Variants in RHEB observed in about 807,000 individuals in gnomAD.
RHEB encodes GTP-binding protein Rheb.
RHEB carries 2 observed loss-of-function variants against 28.8 expected under a neutral mutation model. The observed-to-expected ratio is 0.07, with a 90% confidence interval of 0.03 to 0.22. The LOEUF (loss-of-function observed/expected upper bound fraction) is 0.22, where lower values mean the gene tolerates loss of function less well. Ranked by LOEUF, RHEB falls within the 10% of genes least tolerant of loss-of-function variation. RHEB has a pLI of 1.00. For missense variants in RHEB, 76 were observed against 219.9 expected, an observed-to-expected ratio of 0.35 and a Z score of 4.14; for synonymous variants, 69 against 77.3, an observed-to-expected ratio of 0.89 and a Z score of 0.56.
rs1315516028 is a variant in RHEB at position 151,468,513 on chromosome 7, G to A, written c.463-1302C>T. On this transcript the variant is annotated intron_variant, in intron 7 of 7. Transcript: ENST00000262187. This position sits in a 1 kb window ranked among gnomAD's most constrained non-coding sequence, Gnocchi z 4.3. Reference sequence around the variant, plus strand: ...GACACTTGGTGCTGCCTAGCCACCCGCCTGCATCCCTGGATCTGGGCACTC... The same window carrying A: ...GACACTTGGTGCTGCCTAGCCACCCACCTGCATCCCTGGATCTGGGCACTC... Among the ~76,000 whole-genome samples, 2 of 152,190 alleles carry A rather than the reference G, an allele frequency of 1.3e-5. No homozygotes were observed. Among genetic ancestry groups the A allele is most frequent in the African/African-American group, 2.4e-5 (1 of 41,460 alleles).
At chr7:151,484,051 C>T (rs767925054) in intron 3 of RHEB, among the ~76,000 whole-genome samples, 52 of 152,138 alleles carry the variant, frequency 3.4e-4, no homozygotes, top group Non-Finnish European at 6.2e-4. Flanking sequence ...AGTAATCACT[C>T]TCAAATCCAC....
chr7:151,509,384 T>C (rs1013480207), intron 1 of RHEB, among the ~76,000 whole-genome samples: 6 of 151,862 alleles, frequency 4.0e-5, no homozygotes, highest in Admixed American at 2.0e-4. Context: ...ATCTGGCAGG[T>C]GCATAAATAA....
chr7:151,473,785 A>G (rs371822664), intron 4 of RHEB, among the ~76,000 whole-genome samples: 1 of 152,220 alleles, frequency 6.6e-6, no homozygotes, highest in East Asian at 1.9e-4. Flanking sequence ...CATAGTCATA[A>G]TTTATGTTGC....
intron 1 of RHEB, chr7:151,503,461 T>G (rs1802809111): frequency 8.7e-7 from 1 of 1,150,502 alleles, no homozygotes; most frequent in African/African-American, 1.5e-5. Flanking sequence ...CCTTGATGAC[T>G]AGACATGAGT....
intron 4 of RHEB, among the ~76,000 whole-genome samples, chr7:151,474,152 G>T (rs771218530): frequency 4.6e-5 from 7 of 150,742 alleles, no homozygotes; most frequent in Non-Finnish European, 8.8e-5. Context: ...TCACCTTTCC[G>T]ATTTTTTTTC....
intron 1 of RHEB, among the ~76,000 whole-genome samples, chr7:151,496,656 C>T (rs1802677350): frequency 2.6e-5 from 4 of 152,168 alleles, no homozygotes; most frequent in South Asian, 2.1e-4. Flanking sequence ...CAATCTCCAC[C>T]AGGTTTCTTT....
chr7:151,485,697 A>C (rs1227214311), intron 2 of RHEB, among the ~76,000 whole-genome samples: 1 of 152,216 alleles, frequency 6.6e-6, no homozygotes, highest in Non-Finnish European at 1.5e-5. Flanking sequence ...TGACACAGAC[A>C]AATGGAAATT....
chr7:151,515,642 T>C (rs1803064619), intron 1 of RHEB, among the ~76,000 whole-genome samples: 1 of 152,224 alleles, frequency 6.6e-6, no homozygotes, highest in South Asian at 2.1e-4. Context: ...ATAGCAAATA[T>C]TGTTTTGCCT....
chr7:151,472,479 G>A lies in RHEB; in HGVS notation c.276-874C>T, dbSNP rs1802179582. Among the ~76,000 whole-genome samples, 1 of 152,218 alleles carries A rather than the reference G, an allele frequency of 6.6e-6. No individual in the cohort carries two copies. The highest frequency in any genetic ancestry group is 1.9e-4 in the East Asian group (1 of 5,202). On this transcript the variant is annotated intron_variant, in intron 4 of 7. Transcript: ENST00000262187. This position sits in a 1 kb window ranked among gnomAD's most constrained non-coding sequence, Gnocchi z 5.2. ...TCTCAAGCCGCAAACTTCTGACCTC[G>A]TGATCCGCCTGCCTCGGCCTCCCAA...
At chr7:151,518,724 G>A (rs1245411147) in intron 1 of RHEB, among the ~76,000 whole-genome samples, 1 of 152,090 alleles carries the variant, frequency 6.6e-6, no homozygotes, top group African/African-American at 2.4e-5. Context: ...AAAAGACTTT[G>A]GAATTACTTC....
intron 1 of RHEB, chr7:151,501,744 C>G (rs1802774900): frequency 4.3e-6 from 1 of 232,942 alleles, no homozygotes; most frequent in Non-Finnish European, 8.6e-6. Flanking sequence ...TGCTCCGCCC[C>G]TGGCGGAGGA....
At chr7:151,481,251 C>A (rs1802377950) in intron 3 of RHEB, among the ~76,000 whole-genome samples, 1 of 151,816 alleles carries the variant, frequency 6.6e-6, no homozygotes, top group Non-Finnish European at 1.5e-5. Flanking sequence ...CTGTATTTAA[C>A]CATGTTCATC....
At chr7:151,498,079 T>C (rs1802704965) in intron 1 of RHEB, 5 of 1,281,422 alleles carry the variant, frequency 3.9e-6, no homozygotes, top group Non-Finnish European at 5.1e-6. Context: ...TACAGCTCCA[T>C]TTTACTCACC....
intron 7 of RHEB, chr7:151,470,360 C>T (rs538398792): frequency 5.2e-6 from 2 of 387,662 alleles, no homozygotes; most frequent in African/African-American, 4.1e-5. Context: ...CTACAAATAT[C>T]CTAGGTTCCA....
At chr7:151,484,396 A>ATAAC (rs1802430862) in intron 3 of RHEB, among the ~76,000 whole-genome samples, 2 of 152,254 alleles carry the variant, frequency 1.3e-5, no homozygotes, top group Admixed American at 6.5e-5. Flanking sequence ...TTATTAAAAG[A>ATAAC]TAACTGCCAG....
intron 3 of RHEB, among the ~76,000 whole-genome samples, chr7:151,482,554 C>T (rs1221390486): frequency 6.6e-6 from 1 of 152,226 alleles, no homozygotes; most frequent in African/African-American, 2.4e-5. Flanking sequence ...AGTAACATTA[C>T]ATGAAAGTGA....
At chr7:151,499,514 C>T (rs147827204) in intron 1 of RHEB, among the ~76,000 whole-genome samples, 1 of 152,320 alleles carries the variant, frequency 6.6e-6, no homozygotes, top group Non-Finnish European at 1.5e-5. Context: ...AATCTCTCTG[C>T]ATCATAATGA....
intron 1 of RHEB, among the ~76,000 whole-genome samples, chr7:151,512,112 G>A (rs576877376): frequency 2.0e-5 from 3 of 152,286 alleles, no homozygotes; most frequent in Admixed American, 6.5e-5. Flanking sequence ...AAGAATGAAG[G>A]TTCCTTCAAG....
At chr7:151,473,992 G>A (rs934568575) in intron 4 of RHEB, among the ~76,000 whole-genome samples, 8 of 152,186 alleles carry the variant, frequency 5.3e-5, no homozygotes, top group Admixed American at 1.3e-4. Context: ...GGAAGAAACC[G>A]AACCAGAAGT....
Sources: gnomAD v4.1 joint callset for allele counts (sites outside exome capture counted in the v4.1 genomes callset) on GRCh38, gnomAD v4.1.1 for gene constraint, Gnocchi (gnomAD v3.1) non-coding constraint, MANE v1.5 for transcripts, NCBI Gene and HGNC (gene_info 2026-07-23, HGNC 2026-07-21) for gene names.